Variants in PUM1 observed in about 807,000 individuals in gnomAD.
The protein encoded by PUM1 is pumilio RNA binding family member 1.
In PUM1, 13 loss-of-function variants were observed where a neutral mutation model predicts 131.8. That is an observed-to-expected ratio of 0.10 (90% CI 0.06 to 0.16). The LOEUF is 0.16. Ranked by LOEUF, PUM1 falls within the 10% of genes least tolerant of loss-of-function variation. The pLI is 1.00. For missense variants in PUM1, 961 were observed against 1,512.4 expected (o/e 0.64, Z 6.05); for synonymous variants, 509 against 556.5 (o/e 0.91, Z 1.20).
intron 5 of PUM1, among the ~76,000 whole-genome samples, chr1:31,004,619 T>C (rs1387903485): frequency 6.6e-6 from 1 of 152,204 alleles, no homozygotes; most frequent in East Asian, 1.9e-4. Flanking sequence ...CCTAGGTCTC[T>C]GCAGGGTCAA....
At chr1:31,063,584 A>C (rs1255008701) in intron 1 of PUM1, among the ~76,000 whole-genome samples, 1 of 152,226 alleles carries the variant, frequency 6.6e-6, no homozygotes, top group Non-Finnish European at 1.5e-5. Context: ...ACGCATGTAC[A>C]AATTACACTT....
chr1:31,062,662 CAATT>C (rs1001422813), intron 1 of PUM1, among the ~76,000 whole-genome samples: 6 of 151,260 alleles, frequency 4.0e-5, no homozygotes, highest in Non-Finnish European at 8.8e-5. Context: ...AATCAGTTAC[CAATT>C]AGGACACACC....
intron 2 of PUM1, among the ~76,000 whole-genome samples, chr1:31,041,508 T>C (rs1570335461): frequency 6.6e-6 from 1 of 152,154 alleles, no homozygotes; most frequent in Admixed American, 6.5e-5. Context: ...ACTTCTAAGG[T>C]TGGAGGTGAA....
chr1:31,050,718 C>A (rs568155496), intron 2 of PUM1, among the ~76,000 whole-genome samples: 2 of 152,292 alleles, frequency 1.3e-5, no homozygotes, highest in South Asian at 4.1e-4. Context: ...TCAGCAGGTA[C>A]AACAGAAAGA....
At chr1:31,004,822 C>G (rs1642341970) in intron 5 of PUM1, among the ~76,000 whole-genome samples, 1 of 152,248 alleles carries the variant, frequency 6.6e-6, no homozygotes, top group South Asian at 2.1e-4. Context: ...GCAACAAATG[C>G]TATTAAAGAA....
chr1:31,022,054 A>C lies in PUM1; in HGVS notation c.432+6742T>G, dbSNP rs118087554. On this transcript the variant is annotated intron_variant, in intron 3 of 21. Transcript: ENST00000426105. ...AAATTGTATACACTCAATATTTTGT[A>C]GCTATTATTACTTCCGAGCCTAGAA... Among the ~76,000 whole-genome samples the C allele has an allele frequency of 5.2e-3, 767 of 147,508 alleles. 4 individuals carry two copies. The highest frequency in any genetic ancestry group is 0.033 in the East Asian group (163 of 4,946).
Position 31,059,848 on chromosome 1 carries a change from A to G in PUM1, c.-11-271T>C, listed in dbSNP as rs550262557. 2.0e-4 allele frequency among the ~76,000 whole-genome samples: 30 copies of G among 151,554 alleles called. 1 individual carries two copies. Among genetic ancestry groups the G allele is most frequent in the Admixed American group, 2.0e-3 (30 of 15,200 alleles). On this transcript the variant is annotated intron_variant, in intron 1 of 21. Transcript: ENST00000426105. ...AACTGACAGTTTTTAAATGAACAAA[A>G]GCTTTTTTTTTTTTGAGACAAGAGT...
At chr1:31,014,089 C>A (rs1482491305) in intron 3 of PUM1, among the ~76,000 whole-genome samples, 1 of 151,786 alleles carries the variant, frequency 6.6e-6, no homozygotes, top group Admixed American at 6.6e-5. Flanking sequence ...TAGCTTGAGT[C>A]TAGGAGTTAA....
At chr1:30,976,089 CAAA>C (rs11398686) in intron 9 of PUM1, among the ~76,000 whole-genome samples, 2 of 131,260 alleles carry the variant, frequency 1.5e-5, no homozygotes, top group Non-Finnish European at 3.2e-5. Context: ...AGTGTGTCTC[CAAA>C]AAAAAAAAAA....
At position 30,981,223 on chromosome 1, in the gene PUM1, C is replaced by T. The variant is rs542010660; in HGVS notation, c.1252+89G>A. ...AGGGATTTGTCTGAACTTTTATAAT[C>T]AGTTTAAATTACTGGGTTTCACAGC... is the stretch of plus-strand genomic sequence containing the variant. On this transcript the variant is annotated intron_variant, in intron 8 of 21. Transcript: ENST00000426105. 2.5e-5 allele frequency: 19 copies of T among 753,116 alleles called. No homozygotes were observed. The African/African-American group carries it at 2.9e-4, about 11-fold the overall frequency. 46.7% of individuals were successfully genotyped at this position (753,116 alleles called of 1,614,324 possible).
At chr1:31,029,314 T>TAA (rs1247755838) in intron 2 of PUM1, among the ~76,000 whole-genome samples, 14 of 152,218 alleles carry the variant, frequency 9.2e-5, no homozygotes, top group Non-Finnish European at 1.8e-4. Flanking sequence ...TATTTCTCTT[T>TAA]GGTAAACCTC....
In PUM1 at chr1:30,950,113, A is replaced by C; in HGVS notation, c.2856+14T>G. The C allele has an allele frequency of 6.2e-7, 1 of 1,609,562 alleles. No individual in the cohort carries two copies. The highest frequency in any genetic ancestry group is 8.5e-7 in the Non-Finnish European group (1 of 1,177,932). On this transcript the variant is annotated intron_variant, in intron 17 of 21. Transcript: ENST00000426105. ...ACATCAAACACCAAGAGAAAAGTTA[A>C]AGGGGAAACTTACAATTACCTGCTG...
At chr1:31,022,027 G>C (rs571242803) in intron 3 of PUM1, among the ~76,000 whole-genome samples, 1 of 150,300 alleles carries the variant, frequency 6.7e-6, no homozygotes, top group South Asian at 2.1e-4. Flanking sequence ...ATAGTTCTGG[G>C]AAAATTGTAT....
At chr1:30,960,020 T>A (rs1277516999) in intron 14 of PUM1, among the ~76,000 whole-genome samples, 1 of 152,078 alleles carries the variant, frequency 6.6e-6, no homozygotes, top group Non-Finnish European at 1.5e-5. Flanking sequence ...ATAAAGGGCA[T>A]CTACTAAAAA....
chr1:30,975,204 A>G (rs1641084207), intron 9 of PUM1, among the ~76,000 whole-genome samples: 1 of 152,248 alleles, frequency 6.6e-6, no homozygotes, highest in African/African-American at 2.4e-5. Flanking sequence ...TCCTATGTTC[A>G]ATGATAAGAA....
chr1:30,954,401 C>T (rs1448079029), intron 14 of PUM1, among the ~76,000 whole-genome samples: 1 of 152,238 alleles, frequency 6.6e-6, no homozygotes, highest in Non-Finnish European at 1.5e-5. Flanking sequence ...CTTGAATAAC[C>T]CCCATTTCCA....
chr1:30,932,983 A>G lies in PUM1; in HGVS notation c.*228T>C. 4.5e-6 allele frequency: 2 copies of G among 444,288 alleles called. No homozygotes were observed. Among genetic ancestry groups the G allele is most frequent in the Non-Finnish European group, 7.9e-6 (2 of 253,134 alleles). 27.5% of individuals were successfully genotyped at this position (444,288 alleles called of 1,614,324 possible). On this transcript the variant is annotated 3_prime_UTR_variant, in exon 22 of 22. Transcript: ENST00000426105. ...GTATCCTATACACCAGTAAAACAGC[A>G]GGGCAATTAGTCAATTAAAAAAAAT...
chr1:30,933,484 A>ACACACACC (rs1491459248), intron 21 of PUM1, 142 bp from the exon 22 acceptor site: 46 of 712,418 alleles, frequency 6.5e-5, no homozygotes, highest in African/African-American at 3.1e-4. Context: ...ACACACACAC[A>ACACACACC]CCCCTACAGC....
intron 3 of PUM1, among the ~76,000 whole-genome samples, chr1:31,026,582 A>C (rs1246906521): frequency 6.6e-6 from 1 of 152,212 alleles, no homozygotes; most frequent in Non-Finnish European, 1.5e-5. Flanking sequence ...GAAATGTTTT[A>C]CCTCTCAATT....
Sources: gnomAD v4.1 joint callset for allele counts (sites outside exome capture counted in the v4.1 genomes callset) on GRCh38, gnomAD v4.1.1 for gene constraint, MANE v1.5 for transcripts, NCBI Gene and HGNC (gene_info 2026-07-23, HGNC 2026-07-21) for gene names.